Variants in CCL28 observed in about 807,000 individuals in gnomAD.
The protein encoded by CCL28 is C-C motif chemokine 28.
Under a neutral mutation model 7.1 loss-of-function variants are expected in CCL28, and 4 were observed. The ratio of observed to expected loss-of-function variants is 0.56; its 90% CI spans 0.28 to 1.29. The LOEUF (loss-of-function observed/expected upper bound fraction) is 1.29, where lower values mean the gene tolerates loss of function less well. Ranked by LOEUF, CCL28 falls within the 50% of genes most tolerant of loss-of-function variation. The probability of loss-of-function intolerance (pLI) is 0.11; values close to 1 mark genes in which losing one functional copy is unlikely to be tolerated. For synonymous variants in CCL28, 55 were observed against 57.8 expected, an observed-to-expected ratio of 0.95 and a Z score of 0.22; for missense variants, 151 against 163.4, an observed-to-expected ratio of 0.92 and a Z score of 0.41.
chr5:43,408,161 A>T (rs779859), intron 1 of CCL28, among the ~76,000 whole-genome samples: 1 of 152,244 alleles, frequency 6.6e-6, no homozygotes, highest in African/African-American at 2.4e-5. Context: ...AGGATTATAA[A>T]TCATGCTGCT....
intron 1 of CCL28, among the ~76,000 whole-genome samples, chr5:43,402,011 C>T (rs1337657160): frequency 6.6e-6 from 1 of 152,196 alleles, no homozygotes; most frequent in Non-Finnish European, 1.5e-5. Context: ...AGCACCCCTA[C>T]AGGCAGGTTT....
intron 1 of CCL28, among the ~76,000 whole-genome samples, chr5:43,398,221 T>C (rs1456527967): frequency 7.4e-3 from 1 of 136 alleles, no homozygotes; most frequent in African/African-American, 0.042. Flanking sequence ...AGACTTTTTT[T>C]TCTTTTTTTC....
chr5:43,363,432 T>C, the CCL28 span, among the ~76,000 whole-genome samples: 412 of 152,286 alleles, frequency 2.7e-3, 2 homozygotes, highest in African/African-American at 9.4e-3. Context: ...CACAACCAAC[T>C]TCATTTACTC....
At chr5:43,388,875 A>G (rs554425830) in intron 1 of CCL28, among the ~76,000 whole-genome samples, 105 of 152,332 alleles carry the variant, frequency 6.9e-4, no homozygotes, top group Non-Finnish European at 1.1e-3. Context: ...TCTGCATTCA[A>G]AGTTGAAATA....
chr5:43,395,055 C>G (rs962942275), intron 1 of CCL28, among the ~76,000 whole-genome samples: 2 of 151,314 alleles, frequency 1.3e-5, no homozygotes, highest in Admixed American at 1.3e-4. Flanking sequence ...GTAGTTTTCT[C>G]TGTTCTTCCA....
the CCL28 span, among the ~76,000 whole-genome samples, chr5:43,359,437 G>A: frequency 2.6e-5 from 4 of 152,222 alleles, no homozygotes; most frequent in Middle Eastern, 3.2e-3. Context: ...GATCTCTCGT[G>A]CTATTGTTTG....
chr5:43,395,753 A>G (rs563998183), intron 1 of CCL28, among the ~76,000 whole-genome samples: 1 of 151,922 alleles, frequency 6.6e-6, no homozygotes, highest in South Asian at 2.1e-4. Flanking sequence ...AAGAATGGCT[A>G]CTTCATAGAG....
At chr5:43,375,950 G>A (rs955261684), downstream of CCL28, among the ~76,000 whole-genome samples, 45 of 152,210 alleles carry the variant, frequency 3.0e-4, no homozygotes, top group Admixed American at 2.0e-3. Flanking sequence ...CAGGAGAATC[G>A]CTTGAGCCTG....
Position 43,382,016 on chromosome 5 carries a change from C to A in CCL28, c.228G>T (p.Pro76=), listed in dbSNP as rs138885182. 2.5e-6 allele frequency: 4 copies of A among 1,612,700 alleles called. No individual in the cohort carries two copies. Among genetic ancestry groups the A allele is most frequent in the African/African-American group, 1.3e-5 (1 of 74,816 alleles). The part of the protein sequence containing the change: ...HVKRRRICVS[P]HNHTVKQWMK... ...TCCACTGCTTAACAGTATGGTTGTG[C>A]GGGCTGACACAGATTCTTCTGCGCT... Residue 76 remains proline (P), a synonymous_variant, in exon 3 of 3, where the codon CCG becomes CCT. Coordinates refer to ENST00000361115, the MANE Select transcript of CCL28 (RefSeq NM_148672.3).
At chr5:43,369,447 T>C in the CCL28 span, among the ~76,000 whole-genome samples, 76,970 of 151,950 alleles carry the variant, frequency 0.51, 20,049 homozygotes, top group Middle Eastern at 0.62. Flanking sequence ...GTTTTTGAGA[T>C]GGATTCTCTC....
intron 1 of CCL28, among the ~76,000 whole-genome samples, chr5:43,398,926 C>T (rs1435027113): frequency 1.3e-5 from 2 of 152,220 alleles, no homozygotes; most frequent in African/African-American, 4.8e-5. Flanking sequence ...AGTTAGCATT[C>T]TGAAAGTGCC....
chr5:43,381,623 G>T lies in CCL28; in HGVS notation c.*237C>A. The T allele has an allele frequency of 5.0e-6, 2 of 402,426 alleles. No homozygotes were observed. Among genetic ancestry groups the T allele is most frequent in the Non-Finnish European group, 8.8e-6 (2 of 226,618 alleles). 24.9% of individuals were successfully genotyped at this position (402,426 alleles called of 1,614,324 possible). ...GATCCTCCTGCCTCAGCCTCCCGAAGTGCTGGGATAAAAGGTGTGAACCAC... is the reference window on the plus strand; with the variant it reads ...GATCCTCCTGCCTCAGCCTCCCGAATTGCTGGGATAAAAGGTGTGAACCAC... On this transcript the variant is annotated 3_prime_UTR_variant, in exon 3 of 3. Transcript: ENST00000361115.
chr5:43,409,489 T>C (rs1325258454), intron 1 of CCL28, among the ~76,000 whole-genome samples: 1 of 152,084 alleles, frequency 6.6e-6, no homozygotes, highest in African/African-American at 2.4e-5. Flanking sequence ...GTCCCACCTA[T>C]GTCAGACCTC....
At chr5:43,389,634 C>T (rs1056947267) in intron 1 of CCL28, among the ~76,000 whole-genome samples, 1 of 152,184 alleles carries the variant, frequency 6.6e-6, no homozygotes, top group African/African-American at 2.4e-5. Context: ...TCAATTCAAA[C>T]AGTCTTAAGC....
intron 1 of CCL28, among the ~76,000 whole-genome samples, chr5:43,399,432 T>C (rs1740941966): frequency 3.3e-5 from 5 of 152,216 alleles, no homozygotes; most frequent in Admixed American, 3.3e-4. Context: ...GTCTTTACCA[T>C]GTATGACATT....
downstream of CCL28, among the ~76,000 whole-genome samples, chr5:43,372,224 T>C (rs1739798397): frequency 6.6e-6 from 1 of 152,216 alleles, no homozygotes; most frequent in Non-Finnish European, 1.5e-5. Flanking sequence ...ACTGTAGCAA[T>C]AACTAATACT....
intron 1 of CCL28, among the ~76,000 whole-genome samples, chr5:43,402,797 G>A (rs774682010): frequency 1.3e-5 from 2 of 152,172 alleles, no homozygotes; most frequent in Non-Finnish European, 2.9e-5. Context: ...CTGGAAAATC[G>A]GGACACTCCC....
chr5:43,380,454 G>A lies in CCL28; in HGVS notation c.*1406C>T, dbSNP rs528388508. 9.9e-5 allele frequency: 15 copies of A among 152,028 alleles called. No homozygotes were observed. The highest frequency in any genetic ancestry group is 1.9e-4 in the East Asian group (1 of 5,188). 9.4% of individuals were successfully genotyped at this position (152,028 alleles called of 1,614,324 possible). On this transcript the variant is annotated 3_prime_UTR_variant, in exon 3 of 3. Transcript: ENST00000361115. ...ACTCTAAATGACAAAATAAGTACAC[G>A]AATTCACGTAGGAAATTCTTAACCA...
At chr5:43,366,818 G>A in the CCL28 span, among the ~76,000 whole-genome samples, 1 of 152,194 alleles carries the variant, frequency 6.6e-6, no homozygotes, top group Non-Finnish European at 1.5e-5. Context: ...ACTACCGGCT[G>A]CTGCCTTTCT....
Sources: gnomAD v4.1 joint callset for allele counts (sites outside exome capture counted in the v4.1 genomes callset) on GRCh38, gnomAD v4.1.1 for gene constraint, MANE v1.5 for transcripts, NCBI Gene and HGNC (gene_info 2026-07-23, HGNC 2026-07-21) for gene names.